Variants in B4GALNT1 observed in about 807,000 individuals in gnomAD.
The protein encoded by B4GALNT1 is beta-1,4 N-acetylgalactosaminyltransferase 1.
Under a neutral mutation model 55.2 loss-of-function variants are expected in B4GALNT1, and 43 were observed. That is an observed-to-expected ratio of 0.78 (90% confidence interval 0.61 to 1.00). The LOEUF is 1.00. Among genes scored for constraint, B4GALNT1 ranks in the 50% least tolerant of loss-of-function variants. B4GALNT1 has a pLI of 0.00. For missense variants in B4GALNT1, 664 were observed against 729.7 expected, an observed-to-expected ratio of 0.91 and a Z score of 1.04; for synonymous variants, 305 against 311.6, an observed-to-expected ratio of 0.98 and a Z score of 0.22.
At chr12:57,630,546 A>T in intron 4 of B4GALNT1, 28 bp from the exon 5 acceptor site, 1 of 1,590,464 alleles carries the variant, frequency 6.3e-7, no homozygotes, top group Non-Finnish European at 8.5e-7. Flanking sequence ...GGGGATCAGA[A>T]TCACATAGGC....
chr12:57,626,359 A>G lies in B4GALNT1; in HGVS notation c.*385T>C. On this transcript the variant is annotated 3_prime_UTR_variant, in exon 11 of 11. Transcript: ENST00000341156. The stretch of plus-strand genomic sequence containing the variant: ...TGCAGATGAGGGGCACAGTCTTGGG[A>G]TTATGTGTTGGGGAACTTCCCCACC... 1 of 283,222 alleles carries G rather than the reference A, an allele frequency of 3.5e-6. No individual in the cohort carries two copies. The highest frequency in any genetic ancestry group is 6.9e-6 in the Non-Finnish European group (1 of 145,604). 17.5% of individuals were successfully genotyped at this position (283,222 alleles called of 1,614,324 possible).
intron 2 of B4GALNT1, 117 bp from the exon 3 acceptor site, chr12:57,631,481 G>T: frequency 8.3e-7 from 1 of 1,206,128 alleles, no homozygotes; most frequent in Non-Finnish European, 1.2e-6. Context: ...TCTAGGCTCT[G>T]TCCCCTTAAA....
Position 57,624,079 on chromosome 12 carries a change from A to T in B4GALNT1, c.*2665T>A. On this transcript the variant is annotated 3_prime_UTR_variant, in exon 11 of 11. Coordinates refer to ENST00000341156, the MANE Select transcript of B4GALNT1 (RefSeq NM_001478.5). ...ATGCAGGAACTTCCACAACTATGGC[A>T]CATCAGCCGAGTGGACTTTGTGAGA... The T allele has an allele frequency of 1.2e-6, 2 of 1,613,902 alleles. No homozygotes were observed. The highest frequency in any genetic ancestry group is 1.1e-5 in the South Asian group (1 of 91,030).
Position 57,631,912 on chromosome 12 carries a change from C to G in B4GALNT1, c.218+3G>C. ...GCGCTGCGCCGCCGCGGTCGGCACT[C>G]ACCCCACTACTTGCTCCTTGATCCT... On this transcript the variant is annotated splice_donor_region_variant and intron_variant, in intron 2 of 10. Coordinates refer to ENST00000341156, the MANE Select transcript of B4GALNT1 (RefSeq NM_001478.5). 7.1e-7 allele frequency: 1 copy of G among 1,402,800 alleles called. No homozygotes were observed. The highest frequency in any genetic ancestry group is 9.3e-7 in the Non-Finnish European group (1 of 1,078,248). 86.9% of individuals were successfully genotyped at this position (1,402,800 alleles called of 1,614,324 possible). A position where few individuals can be genotyped will look rare whatever the true frequency, so the allele number is the denominator to read the frequency against.
At position 57,625,685 on chromosome 12, in the gene B4GALNT1, C is replaced by A; in HGVS notation, c.*1059G>T. 2.5e-6 allele frequency: 4 copies of A among 1,572,510 alleles called. No individual in the cohort carries two copies. The highest frequency in any genetic ancestry group is 3.4e-6 in the Non-Finnish European group (4 of 1,160,196). On this transcript the variant is annotated 3_prime_UTR_variant, in exon 11 of 11. Transcript: ENST00000341156. ...ATGCAGCTGCTTATGCCCTGGGGAG[C>A]CTGTTAAGGGGCAGTAGCACCAGGA...
At position 57,624,985 on chromosome 12, in the gene B4GALNT1, G is replaced by A. The variant is rs998237577; in HGVS notation, c.*1759C>T. The A allele has an allele frequency of 3.7e-6, 6 of 1,614,042 alleles. No homozygotes were observed. Among genetic ancestry groups the A allele is most frequent in the Non-Finnish European group, 5.1e-6 (6 of 1,180,014 alleles). On this transcript the variant is annotated 3_prime_UTR_variant, in exon 11 of 11. Transcript: ENST00000341156. ...TGGGGCTCGGAGAAGGAGAAAAGGTGAAGGAGCTTGGTTTAGGAGGGATGT... is the reference window on the plus strand; with the variant it reads ...TGGGGCTCGGAGAAGGAGAAAAGGTAAAGGAGCTTGGTTTAGGAGGGATGT...
intron 1 of B4GALNT1, chr12:57,632,334 G>A (rs1263656933): frequency 1.4e-6 from 1 of 698,764 alleles, no homozygotes; most frequent in Non-Finnish European, 2.6e-6. Flanking sequence ...AGGGTCTCCC[G>A]GCCTCCTTTC....
Position 57,624,431 on chromosome 12 carries a change from G to A in B4GALNT1, c.*2313C>T, listed in dbSNP as rs1394489568. ...ACTTGCCTTGGTAGTCACTGCCCTG[G>A]ATCTCTTTACCCAGCAGTGATGGCC... is the stretch of plus-strand genomic sequence containing the variant. On this transcript the variant is annotated 3_prime_UTR_variant, in exon 11 of 11. Transcript: ENST00000341156. 3 of 600,102 alleles carry A rather than the reference G, an allele frequency of 5.0e-6. No homozygotes were observed. The highest frequency in any genetic ancestry group is 3.9e-5 in the East Asian group (1 of 25,910). The allele number at this position is 600,102 out of a possible 1,614,324, so 37.2% of individuals were successfully genotyped here. A position where few individuals can be genotyped will look rare whatever the true frequency, so the allele number is the denominator to read the frequency against.
intron 3 of B4GALNT1, 55 bp from the exon 4 acceptor site, chr12:57,631,141 C>A: frequency 6.2e-7 from 1 of 1,611,196 alleles, no homozygotes; most frequent in Non-Finnish European, 8.5e-7. Flanking sequence ...GGGTCTCTCC[C>A]TCCCGGCACA....
intron 3 of B4GALNT1, 24 bp from the exon 4 acceptor site, chr12:57,631,110 C>T (rs915745519): frequency 6.2e-7 from 1 of 1,609,106 alleles, no homozygotes; most frequent in East Asian, 2.2e-5. Flanking sequence ...AAGGAGAGGA[C>T]AGAGCAGAGT....
chr12:57,624,530 G>A lies in B4GALNT1; in HGVS notation c.*2214C>T, dbSNP rs745889798. On this transcript the variant is annotated 3_prime_UTR_variant, in exon 11 of 11. Transcript: ENST00000341156. ...GTGGATGGTCACCTGGGTGGCAGTA[G>A]TGACCCTGAGTGTGGATTTGGGCCT... The A allele has an allele frequency of 2.7e-5, 17 of 631,520 alleles. No individual in the cohort carries two copies. The highest frequency in any genetic ancestry group is 5.2e-5 in the Non-Finnish European group (17 of 323,828). The allele number at this position is 631,520 out of a possible 1,614,324, so 39.1% of individuals were successfully genotyped here.
At position 57,632,046 on chromosome 12, in the gene B4GALNT1, G is replaced by T. The variant is rs1479181484; in HGVS notation, c.87C>A (p.Asp29Glu). 2.8e-6 allele frequency: 4 copies of T among 1,445,288 alleles called. No homozygotes were observed. The highest frequency in any genetic ancestry group is 3.6e-6 in the Non-Finnish European group (4 of 1,097,706). The allele number at this position is 1,445,288 out of a possible 1,614,324, so 89.5% of individuals were successfully genotyped here. A position where few individuals can be genotyped will look rare whatever the true frequency, so the allele number is the denominator to read the frequency against. ...CAAGAGGTAGCCGGAGGCCGGGCGC[G>T]TCCCGGGTGCTCGCGTACAGGAGCC... ...SLGLLYASTR[D>E]APGLRLPLAP... Residue 29 changes from aspartate (D) to glutamate (E), a missense_variant, in exon 2 of 11, where the codon GAC (aspartate) becomes GAA (glutamate). By Grantham distance (45) the Asp-to-Glu change is conservative (BLOSUM62 2). Transcript: ENST00000341156.
chr12:57,629,039 C>G lies in B4GALNT1; in HGVS notation c.811+9G>C, dbSNP rs1467099290. ...GGTTCTAATATGTCCCTGCCCCTAC[C>G]AGCCTCACCTCCCTGGGGTAGAGAC... On this transcript the variant is annotated intron_variant, in intron 7 of 10. Coordinates refer to ENST00000341156, the MANE Select transcript of B4GALNT1 (RefSeq NM_001478.5). 1 of 1,582,608 alleles carries G rather than the reference C, an allele frequency of 6.3e-7. No individual in the cohort carries two copies. The highest frequency in any genetic ancestry group is 1.3e-5 in the African/African-American group (1 of 74,334).
chr12:57,625,503 C>A lies in B4GALNT1; in HGVS notation c.*1241G>T, dbSNP rs139894285. 4.7e-4 allele frequency: 761 copies of A among 1,614,044 alleles called. 3 individuals carry two copies. In the African/African-American group the frequency reaches 7.2e-3, roughly 15 times the overall value. On this transcript the variant is annotated 3_prime_UTR_variant, in exon 11 of 11. Coordinates refer to ENST00000341156, the MANE Select transcript of B4GALNT1 (RefSeq NM_001478.5). Reference sequence around the variant, plus strand: ...AGAAGAGCGGGGCCCAGTGCCTGGGCAATGACTGGACACCTGCGGTAGGGA... The same window carrying A: ...AGAAGAGCGGGGCCCAGTGCCTGGGAAATGACTGGACACCTGCGGTAGGGA...
chr12:57,627,973 C>A (rs1884951585), intron 9 of B4GALNT1, 115 bp from the exon 10 acceptor site: 2 of 1,469,538 alleles, frequency 1.4e-6, no homozygotes, highest in South Asian at 2.7e-5. Context: ...TTCCGCTTCA[C>A]CCCTGCAGGA....
At position 57,624,723 on chromosome 12, in the gene B4GALNT1, G is replaced by T. The variant is rs763618136; in HGVS notation, c.*2021C>A. ...AAATCTGGCCCCACCTTCTTCCCTA[G>T]GGTGTAGTGCCTGGCACTTGGACAG... is the stretch of plus-strand genomic sequence containing the variant. On this transcript the variant is annotated 3_prime_UTR_variant, in exon 11 of 11. Coordinates refer to ENST00000341156, the MANE Select transcript of B4GALNT1 (RefSeq NM_001478.5). 1 of 829,828 alleles carries T rather than the reference G, an allele frequency of 1.2e-6. No homozygotes were observed. Among genetic ancestry groups the T allele is most frequent in the Non-Finnish European group, 2.1e-6 (1 of 466,162 alleles). 51.4% of individuals were successfully genotyped at this position (829,828 alleles called of 1,614,324 possible).
rs765724660 is a variant in B4GALNT1, at chr12:57,629,898, GC to G, written c.712+253del. 69 of 1,533,466 alleles carry G rather than the reference GC, an allele frequency of 4.5e-5. No individual in the cohort carries two copies. The African/African-American group carries it at 7.5e-4, about 17-fold the overall frequency. The allele number at this position is 1,533,466 out of a possible 1,614,324, so 95.0% of individuals were successfully genotyped here. A position where few individuals can be genotyped will look rare whatever the true frequency, so the allele number is the denominator to read the frequency against. On this transcript the variant is annotated intron_variant, in intron 6 of 10. Transcript: ENST00000341156. ...CTCCTTAGACAAGTCTCTTCCTGGGGCCCCCCACAGTTGGCCTAAAGGGGAG... is the reference window on the plus strand; with the variant it reads ...CTCCTTAGACAAGTCTCTTCCTGGGGCCCCCACAGTTGGCCTAAAGGGGAG...
In B4GALNT1 at chr12:57,631,043, A is replaced by G. The variant is rs769574020; in HGVS notation, c.427T>C (p.Ser143Pro). The G allele has an allele frequency of 5.0e-6, 8 of 1,612,774 alleles. No individual in the cohort carries two copies. The highest frequency in any genetic ancestry group is 6.8e-6 in the Non-Finnish European group (8 of 1,179,660). ...CCCTGTAGGGGGTACTGGAGCGGGG[A>G]GTTGGCAGGGGCTATGAGCAGCTGG... Reference protein sequence around the residue: ...ADQLLIAPANSPLQYPLQGVE... With the variant: ...ADQLLIAPANPPLQYPLQGVE... Residue 143 changes from serine (S) to proline (P), a missense_variant, in exon 4 of 11, where the codon TCC becomes CCC. Transcript: ENST00000341156.
rs574007632 is a variant in B4GALNT1 at position 57,631,972 on chromosome 12, A to C, written c.161T>G (p.Leu54Arg). ...QSPRRPELPD[L>R]APEPRYAHIP... is the part of the protein sequence containing the mutation. ...GTGTGCGTAGCGGGGCTCAGGAGCA[A>C]GATCTGGCAGCTCGGGCCTGCGGGG... Residue 54 changes from leucine to arginine, a missense_variant, in exon 2 of 11, where the codon CTT becomes CGT. By Grantham distance (102) the Leu-to-Arg change is moderately radical. Coordinates refer to ENST00000341156, the MANE Select transcript of B4GALNT1 (RefSeq NM_001478.5). 1 of 1,458,168 alleles carries C rather than the reference A, an allele frequency of 6.9e-7. No homozygotes were observed. Among genetic ancestry groups the C allele is most frequent in the South Asian group, 1.5e-5 (1 of 65,828 alleles). The allele number at this position is 1,458,168 out of a possible 1,614,324, so 90.3% of individuals were successfully genotyped here.
Sources: allele counts gnomAD v4.1 joint callset, GRCh38; gene constraint gnomAD v4.1.1; transcripts MANE v1.5; gene names NCBI Gene and HGNC (gene_info 2026-07-23, HGNC 2026-07-21).